Variants in ADAMTSL1 observed in about 807,000 individuals in gnomAD.
ADAMTSL1 encodes the protein ADAMTS like 1, also known as ADAMTS-like protein 1.
In ADAMTSL1, 126 loss-of-function variants were observed where a neutral mutation model predicts 201.8. The observed-to-expected ratio is 0.62, with a 90% CI of 0.54 to 0.72. The LOEUF (loss-of-function observed/expected upper bound fraction) is 0.72. Among genes scored for constraint, ADAMTSL1 ranks in the 30% least tolerant of loss-of-function variants. ADAMTSL1 has a pLI of 0.00. For missense variants in ADAMTSL1, 2,679 were observed against 2,277.8 expected, an observed-to-expected ratio of 1.18 and a Z score of -3.59; for synonymous variants, 1,121 against 903.4, an observed-to-expected ratio of 1.24 and a Z score of -4.32.
intron 1 of ADAMTSL1, among the ~76,000 whole-genome samples, chr9:18,016,064 A>G (rs184925157): frequency 6.6e-6 from 1 of 152,132 alleles, no homozygotes; most frequent in East Asian, 2.0e-4. Context: ...CATTTATACA[A>G]TCTTAATAAC....
intron 2 of ADAMTSL1, among the ~76,000 whole-genome samples, chr9:18,525,979 G>A (rs1442453951): frequency 6.6e-6 from 1 of 152,150 alleles, no homozygotes; most frequent in Non-Finnish European, 1.5e-5. Flanking sequence ...ACAGAGCTGA[G>A]TTCAATTCCT....
intron 1 of ADAMTSL1, among the ~76,000 whole-genome samples, chr9:18,115,323 C>T (rs1230277278): frequency 6.6e-6 from 1 of 152,148 alleles, no homozygotes; most frequent in Non-Finnish European, 1.5e-5. Flanking sequence ...ACCAGGCATG[C>T]TGCAGGCAAT....
rs72692480 is a variant in ADAMTSL1, at chr9:18,901,383, C to T, written c.4852-4399C>T. 5.9e-3 allele frequency among the ~76,000 whole-genome samples: 900 copies of T among 151,518 alleles called. 4 individuals carry two copies. Among genetic ancestry groups the T allele is most frequent in the Non-Finnish European group, 8.9e-3 (602 of 67,854 alleles). ...AGACTCTCCAATAAAGGTAAATAGA[C>T]GGGCAGACATTAAAACCAGTATTAT... On this transcript the variant is annotated intron_variant, in intron 26 of 28. Coordinates refer to ENST00000380548, the MANE Select transcript of ADAMTSL1 (RefSeq NM_001040272.6).
At chr9:18,820,757 T>C (rs896271626) in intron 21 of ADAMTSL1, among the ~76,000 whole-genome samples, 5 of 152,244 alleles carry the variant, frequency 3.3e-5, no homozygotes, top group African/African-American at 9.6e-5. Flanking sequence ...GCAATGAGTA[T>C]GATAGGCTTT....
intron 13 of ADAMTSL1, among the ~76,000 whole-genome samples, chr9:18,701,139 C>T (rs1831897076): frequency 6.7e-6 from 1 of 150,254 alleles, no homozygotes; most frequent in Non-Finnish European, 1.5e-5. Context: ...AGCTCAAAGT[C>T]AATGAAAGGC....
chr9:17,965,488 C>T (rs1457125955), intron 1 of ADAMTSL1, among the ~76,000 whole-genome samples: 1 of 152,152 alleles, frequency 6.6e-6, no homozygotes, highest in East Asian at 1.9e-4. Context: ...AACTGATGTG[C>T]TATATTTAGG....
chr9:18,346,271 A>G (rs1835710531), intron 2 of ADAMTSL1, among the ~76,000 whole-genome samples: 1 of 152,150 alleles, frequency 6.6e-6, no homozygotes, highest in South Asian at 2.1e-4. Context: ...TAGACACTGC[A>G]TATAGCCAGC....
chr9:18,753,281 C>A lies in ADAMTSL1; in HGVS notation c.2007-17C>A, dbSNP rs764383333. 14 of 1,603,830 alleles carry A rather than the reference C, an allele frequency of 8.7e-6. No homozygotes were observed. Among genetic ancestry groups the A allele is most frequent in the Non-Finnish European group, 1.2e-5 (14 of 1,174,810 alleles). Reference sequence around the variant, plus strand: ...GGTACTAAGGGTGTGTCCTCTTCCTCTCTGATTTCTTCTCAGGTGGGAAAT... The same window carrying A: ...GGTACTAAGGGTGTGTCCTCTTCCTATCTGATTTCTTCTCAGGTGGGAAAT... On this transcript the variant is annotated splice_polypyrimidine_tract_variant and intron_variant, in intron 15 of 28. Transcript: ENST00000380548.
rs1177361493 is a variant in ADAMTSL1 at position 18,795,671 on chromosome 9, T to C, written c.3805+147T>C. 3 of 895,206 alleles carry C rather than the reference T, an allele frequency of 3.4e-6. No homozygotes were observed. In the African/African-American group the frequency reaches 5.1e-5, roughly 15 times the overall value. The allele number at this position is 895,206 out of a possible 1,614,324, so 55.5% of individuals were successfully genotyped here. A position where few individuals can be genotyped will look rare whatever the true frequency, so the allele number is the denominator to read the frequency against. On this transcript the variant is annotated intron_variant, in intron 20 of 28. Transcript: ENST00000380548. ...TTGTAATCTATAATTACAACAGCAG[T>C]GTAGTATGAGGTAGAATGAAGTGCT...
chr9:18,108,982 G>A (rs1296711985), intron 1 of ADAMTSL1, among the ~76,000 whole-genome samples: 1 of 152,076 alleles, frequency 6.6e-6, no homozygotes, highest in African/African-American at 2.4e-5. Flanking sequence ...GTTTGGGGCT[G>A]TAACGAATTG....
At chr9:17,952,119 C>CT (rs541405219) in intron 1 of ADAMTSL1, among the ~76,000 whole-genome samples, 6,682 of 139,626 alleles carry the variant, frequency 0.048, 213 homozygotes, top group Non-Finnish European at 0.063. Context: ...TTCTTTCTTT[C>CT]TTTTTTTTTT....
chr9:18,254,345 GTTTTTTTTTTTTTTT>G (rs59026505), intron 2 of ADAMTSL1, among the ~76,000 whole-genome samples: 46 of 49,362 alleles, frequency 9.3e-4, no homozygotes, highest in Admixed American at 3.5e-3. Context: ...ACTCTTTTTG[GTTTTTTTTTTTTTTT>G]TTTTTTTTTT....
At chr9:18,883,961 A>G (rs915375708) in intron 23 of ADAMTSL1, among the ~76,000 whole-genome samples, 8 of 152,168 alleles carry the variant, frequency 5.3e-5, no homozygotes, top group African/African-American at 1.9e-4. Context: ...GCATATGATA[A>G]TCCTATATTT....
intron 1 of ADAMTSL1, among the ~76,000 whole-genome samples, chr9:18,085,468 C>T (rs1269873696): frequency 1.6e-5 from 1 of 63,836 alleles, no homozygotes; most frequent in Non-Finnish European, 3.1e-5. Flanking sequence ...TACACAAATA[C>T]ACATATGTGT....
At chr9:18,320,138 A>G (rs1834562226) in intron 2 of ADAMTSL1, among the ~76,000 whole-genome samples, 1 of 152,172 alleles carries the variant, frequency 6.6e-6, no homozygotes, top group Admixed American at 6.5e-5. Flanking sequence ...ATGAACAAGA[A>G]AACAGATTCT....
intron 1 of ADAMTSL1, among the ~76,000 whole-genome samples, chr9:18,489,814 G>C (rs1384369014): frequency 6.6e-6 from 1 of 151,998 alleles, no homozygotes; most frequent in African/African-American, 2.4e-5. Context: ...TATTTAATTA[G>C]ACATAAAGAG....
Position 18,888,050 on chromosome 9 carries a change from A to G in ADAMTSL1, c.4462+7A>G. ...GCATCTTTAGTGATCCAAGGTAAGA[A>G]ACCCTGCAGACTTTGCATACTGGAC... On this transcript the variant is annotated splice_region_variant and intron_variant, in intron 24 of 28. Coordinates refer to ENST00000380548, the MANE Select transcript of ADAMTSL1 (RefSeq NM_001040272.6). 6.2e-7 allele frequency: 1 copy of G among 1,610,170 alleles called. No homozygotes were observed.
chr9:18,652,054 A>T (rs1283269718), intron 7 of ADAMTSL1, among the ~76,000 whole-genome samples: 1 of 152,096 alleles, frequency 6.6e-6, no homozygotes. Context: ...ATAGTGATAC[A>T]TATCATTGAA....
rs1318738828 is a variant in ADAMTSL1, at chr9:18,753,412, G to A, written c.2121G>A (p.Leu707=). Reference sequence around the variant, plus strand: ...GAGAGATGAATGAAACAGTCATCCTGGCTGATGAGCTGTGTCGCCAGCCCA... The same window carrying A: ...GAGAGATGAATGAAACAGTCATCCTAGCTGATGAGCTGTGTCGCCAGCCCA... ...LSREMNETVI[L]ADELCRQPKP... The change falls in exon 16 of 29, where the codon CTG becomes CTA. Residue 707 remains leucine, a synonymous_variant. Coordinates refer to ENST00000380548, the MANE Select transcript of ADAMTSL1 (RefSeq NM_001040272.6). 5.6e-6 allele frequency: 9 copies of A among 1,613,184 alleles called. No homozygotes were observed. In the African/African-American group the frequency reaches 1.2e-4, roughly 22 times the overall value.
Sources: allele counts gnomAD v4.1 joint callset (sites outside exome capture counted in the v4.1 genomes callset), GRCh38; gene constraint gnomAD v4.1.1; transcripts MANE v1.5; gene names NCBI Gene and HGNC (gene_info 2026-07-23, HGNC 2026-07-21).